Variants in MMD2 observed in about 807,000 individuals in gnomAD.
MMD2 encodes the protein monocyte to macrophage differentiation factor 2.
MMD2 carries 30 observed loss-of-function variants against 33.5 expected under a neutral mutation model. That is an observed-to-expected ratio of 0.90 (90% CI 0.67 to 1.22). The LOEUF is 1.22. Among genes scored for constraint, MMD2 ranks in the 50% most tolerant of loss-of-function variants. The pLI, the probability that MMD2 is intolerant of heterozygous loss-of-function variation, is 0.00. For synonymous variants in MMD2, 129 were observed against 123.0 expected (o/e 1.05, Z -0.32); for missense variants, 364 against 325.4 (o/e 1.12, Z -0.91).
At chr7:4,892,585 TATAA>T in the MMD2 span, among the ~76,000 whole-genome samples, 167 of 143,502 alleles carry the variant, frequency 1.2e-3, no homozygotes, top group Middle Eastern at 6.9e-3. Context: ...AAGACTCTGC[TATAA>T]ATAAATAAAT....
At chr7:4,933,155 C>T (rs1785638791) in intron 1 of MMD2, among the ~76,000 whole-genome samples, 1 of 151,976 alleles carries the variant, frequency 6.6e-6, no homozygotes, top group African/African-American at 2.4e-5. Context: ...GCGAGAGGAT[C>T]GCTTGAGACC....
intron 6 of MMD2, among the ~76,000 whole-genome samples, chr7:4,908,148 T>G (rs73314077): frequency 1.0e-5 from 1 of 100,428 alleles, no homozygotes; most frequent in Non-Finnish European, 1.9e-5. Context: ...TCTGGTTTTG[T>G]TTTTTTTTTT....
chr7:4,945,839 T>G (rs1233630326), intron 1 of MMD2, among the ~76,000 whole-genome samples: 2 of 152,130 alleles, frequency 1.3e-5, no homozygotes, highest in Admixed American at 1.3e-4. Flanking sequence ...CCTCAAAGAG[T>G]GCTGGGATTA....
intron 1 of MMD2, among the ~76,000 whole-genome samples, chr7:4,926,085 C>T (rs1309177395): frequency 1.3e-5 from 2 of 151,866 alleles, no homozygotes; most frequent in African/African-American, 2.4e-5. Context: ...GGATTACAGG[C>T]GTGAGATACC....
At chr7:4,899,157 A>G in the MMD2 span, among the ~76,000 whole-genome samples, 1 of 152,250 alleles carries the variant, frequency 6.6e-6, no homozygotes, top group South Asian at 2.1e-4. Flanking sequence ...GAACCAGGAA[A>G]CAGCCCTCAC....
At chr7:4,893,774 G>C in the MMD2 span, among the ~76,000 whole-genome samples, 1 of 152,138 alleles carries the variant, frequency 6.6e-6, no homozygotes, top group Non-Finnish European at 1.5e-5. Flanking sequence ...CCAGAACTAA[G>C]GGCTCCTCCC....
At chr7:4,909,476 G>A (rs1583355041) in intron 6 of MMD2, among the ~76,000 whole-genome samples, 3 of 151,558 alleles carry the variant, frequency 2.0e-5, no homozygotes, top group Non-Finnish European at 4.4e-5. Flanking sequence ...GAGTTTCACT[G>A]TTGTAGCCCA....
At chr7:4,936,240 G>T (rs1454374905) in intron 1 of MMD2, among the ~76,000 whole-genome samples, 2 of 145,398 alleles carry the variant, frequency 1.4e-5, no homozygotes, top group African/African-American at 5.0e-5. Context: ...ACAATGCAAA[G>T]ATGTTCATCA....
In MMD2 at chr7:4,940,995, C is replaced by T. The variant is rs191693243; in HGVS notation, c.48-15463G>A. Among the ~76,000 whole-genome samples the T allele has an allele frequency of 2.6e-5, 4 of 152,288 alleles. No homozygotes were observed. The highest frequency in any genetic ancestry group is 2.0e-4 in the Admixed American group (3 of 15,286). ...TATCTCCAAAGCTAGGACCATCTCC[C>T]AGCCTCAGGAGGCTCCCAGATGCTA... On this transcript the variant is annotated intron_variant, in intron 1 of 6. Coordinates refer to ENST00000401401, the MANE Select transcript of MMD2 (RefSeq NM_198403.4). This position sits in a 1 kb window ranked among gnomAD's most constrained non-coding sequence, Gnocchi z 5.0.
At chr7:4,929,458 G>C (rs1374523998) in intron 1 of MMD2, among the ~76,000 whole-genome samples, 2 of 152,084 alleles carry the variant, frequency 1.3e-5, no homozygotes, top group Non-Finnish European at 2.9e-5. Flanking sequence ...CCTTCCTCAA[G>C]GTGGGCCAGG....
intron 1 of MMD2, among the ~76,000 whole-genome samples, chr7:4,955,195 T>C (rs1583406014): frequency 6.6e-6 from 1 of 152,340 alleles, no homozygotes; most frequent in East Asian, 1.9e-4. Context: ...TTCAGGCCTC[T>C]TTATTCTGCT....
At chr7:4,952,144 A>C (rs536443420) in intron 1 of MMD2, among the ~76,000 whole-genome samples, 1 of 152,314 alleles carries the variant, frequency 6.6e-6, no homozygotes, top group African/African-American at 2.4e-5. Context: ...TGGGGAACAC[A>C]AGAGGGTTTG....
downstream of MMD2, among the ~76,000 whole-genome samples, chr7:4,903,926 A>C (rs1379818999): frequency 1.3e-5 from 2 of 150,562 alleles, no homozygotes; most frequent in Non-Finnish European, 3.0e-5. Flanking sequence ...TTTCCGGTGC[A>C]TGCCCTCCCC....
rs746517934 is a variant in MMD2 at position 4,946,675 on chromosome 7, C to T, written c.47+12296G>A. On this transcript the variant is annotated intron_variant, in intron 1 of 6. Transcript: ENST00000401401. This position sits in a 1 kb window ranked among gnomAD's most constrained non-coding sequence, Gnocchi z 5.0. ...CCTAGCACCACGGGTGGCAGGTCTA[C>T]CAGATATCTCCCAGTAAGATGAAGT... 2.0e-5 allele frequency among the ~76,000 whole-genome samples: 3 copies of T among 152,146 alleles called. No homozygotes were observed. The highest frequency in any genetic ancestry group is 4.4e-5 in the Non-Finnish European group (3 of 68,026).
chr7:4,936,885 C>G (rs557639157), intron 1 of MMD2, among the ~76,000 whole-genome samples: 93 of 151,828 alleles, frequency 6.1e-4, no homozygotes, highest in African/African-American at 2.2e-3. Context: ...CAGGTGTTTG[C>G]CACTACACCT....
In MMD2 at chr7:4,949,281, C is replaced by G. The variant is rs372072765; in HGVS notation, c.47+9690G>C. Among the ~76,000 whole-genome samples, 6 of 152,044 alleles carry G rather than the reference C, an allele frequency of 3.9e-5. No homozygotes were observed. In the East Asian group the frequency reaches 5.8e-4, roughly 15 times the overall value. ...TATCAAATATTAGGTCTTATTCATACTAACTATTTTTTGGTACCCCTTAAC... is the reference window on the plus strand; with the variant it reads ...TATCAAATATTAGGTCTTATTCATAGTAACTATTTTTTGGTACCCCTTAAC... On this transcript the variant is annotated intron_variant, in intron 1 of 6. Coordinates refer to ENST00000401401, the MANE Select transcript of MMD2 (RefSeq NM_198403.4).
At chr7:4,909,177 C>T (rs1274568193) in intron 6 of MMD2, among the ~76,000 whole-genome samples, 1 of 151,958 alleles carries the variant, frequency 6.6e-6, no homozygotes, top group African/African-American at 2.4e-5. Context: ...GTACTATTAA[C>T]ACGAGTTGTT....
chr7:4,922,829 G>A (rs926970321), intron 2 of MMD2, among the ~76,000 whole-genome samples: 4 of 152,136 alleles, frequency 2.6e-5, no homozygotes, highest in East Asian at 1.9e-4. Flanking sequence ...AAACCTGTGA[G>A]CACAGGACAT....
chr7:4,944,050 C>T (rs1331341325), intron 1 of MMD2, among the ~76,000 whole-genome samples: 1 of 151,934 alleles, frequency 6.6e-6, no homozygotes, highest in African/African-American at 2.4e-5. Flanking sequence ...CTTCCCACCT[C>T]AGCCTCCCAA....
Sources: gnomAD v4.1 joint callset for allele counts (sites outside exome capture counted in the v4.1 genomes callset) on GRCh38, gnomAD v4.1.1 for gene constraint, Gnocchi (gnomAD v3.1) non-coding constraint, MANE v1.5 for transcripts, NCBI Gene and HGNC (gene_info 2026-07-23, HGNC 2026-07-21) for gene names.